The following SOX5 variants were observed in gnomAD, a reference collection of about 807,000 sequenced individuals.
SOX5 encodes the protein SRY-box transcription factor 5, also known as transcription factor SOX-5.
A neutral mutation model predicts 92.0 loss-of-function variants in SOX5; 9 were observed. The ratio of observed to expected loss-of-function variants is 0.10; its 90% confidence interval spans 0.06 to 0.17. SOX5 has a LOEUF of 0.17. SOX5 is among the 10% of genes least tolerant of loss of function. The pLI is 1.00. For synonymous variants in SOX5, 344 were observed against 336.3 expected (o/e 1.02, Z -0.25); for missense variants, 642 against 944.5 (o/e 0.68, Z 4.20).
intron 3 of SOX5, among the ~76,000 whole-genome samples, chr12:23,799,013 T>A (rs752403059): frequency 7.2e-5 from 11 of 151,956 alleles, no homozygotes; most frequent in Admixed American, 3.9e-4. Flanking sequence ...CGTACTATAA[T>A]TGGAAGACTT....
At chr12:23,950,945 C>G, upstream of SOX5, 1 of 1,370,734 alleles carries the variant, frequency 7.3e-7, no homozygotes, top group Non-Finnish European at 1.0e-6. Flanking sequence ...CACTTACCAA[C>G]AGGAGATAGT....
chr12:24,457,721 C>T (rs1312783455), intron 1 of SOX5, among the ~76,000 whole-genome samples: 2 of 152,132 alleles, frequency 1.3e-5, no homozygotes, highest in Admixed American at 1.3e-4. Flanking sequence ...TTAATGCAAA[C>T]TGATTATTGC....
intron 4 of SOX5, among the ~76,000 whole-genome samples, chr12:24,075,277 T>TAA (rs59967372): frequency 0.012 from 899 of 75,762 alleles, 50 homozygotes; most frequent in South Asian, 0.019. Context: ...CTCAAATTAT[T>TAA]AAAAAAAAAA....
At chr12:24,336,991 A>G (rs1353368043) in intron 2 of SOX5, among the ~76,000 whole-genome samples, 2 of 152,214 alleles carry the variant, frequency 1.3e-5, no homozygotes, top group Non-Finnish European at 2.9e-5. Context: ...TTTGTGCAGT[A>G]GAAGTTTAAG....
intron 11 of SOX5, 133 bp downstream of exon 11, chr12:23,563,125 A>G: frequency 5.6e-6 from 4 of 714,608 alleles, no homozygotes; most frequent in Non-Finnish European, 2.3e-6. Context: ...GAGGCCTTCT[A>G]TATTAATGGA....
intron 4 of SOX5, among the ~76,000 whole-genome samples, chr12:24,037,949 A>G (rs1378187953): frequency 6.6e-6 from 1 of 152,206 alleles, no homozygotes; most frequent in African/African-American, 2.4e-5. Context: ...ACTTGAACGC[A>G]TTAAAAAATC....
intron 4 of SOX5, among the ~76,000 whole-genome samples, chr12:24,038,497 G>T (rs1956250392): frequency 6.6e-6 from 1 of 152,096 alleles, no homozygotes; most frequent in African/African-American, 2.4e-5. Flanking sequence ...GCTTTGTGAA[G>T]CAAATTAATT....
At chr12:24,201,039 A>G (rs1332550770) in intron 4 of SOX5, among the ~76,000 whole-genome samples, 1 of 152,060 alleles carries the variant, frequency 6.6e-6, no homozygotes, top group Non-Finnish European at 1.5e-5. Flanking sequence ...TATACACCCA[A>G]CAATTCATAA....
At chr12:24,254,857 G>A (rs1480850502) in intron 3 of SOX5, among the ~76,000 whole-genome samples, 1 of 151,842 alleles carries the variant, frequency 6.6e-6, no homozygotes, top group African/African-American at 2.4e-5. Flanking sequence ...TTAAGAACTT[G>A]GATTACTGTC....
intron 1 of SOX5, among the ~76,000 whole-genome samples, chr12:24,399,359 T>G (rs2136610460): frequency 6.6e-6 from 1 of 152,318 alleles, no homozygotes; most frequent in Non-Finnish European, 1.5e-5. Flanking sequence ...AACCAATACA[T>G]ATCAGATATT....
At chr12:24,474,978 G>A (rs1263214621) in intron 1 of SOX5, among the ~76,000 whole-genome samples, 3 of 152,060 alleles carry the variant, frequency 2.0e-5, no homozygotes, top group African/African-American at 7.2e-5. Flanking sequence ...AGCCTCCTGA[G>A]TAGCTGGGAT....
In SOX5 at chr12:23,617,135, A is replaced by T. The variant is rs965737274; in HGVS notation, c.1018-12602T>A. Among the ~76,000 whole-genome samples the T allele has an allele frequency of 1.5e-4, 22 of 151,128 alleles. 1 individual carries two copies. Among genetic ancestry groups the T allele is most frequent in the African/African-American group, 3.2e-4 (13 of 41,108 alleles). On this transcript the variant is annotated intron_variant, in intron 8 of 14. Transcript: ENST00000451604. ...AACAAGACTCTGTCTCAAGAAAAAA[A>T]AAAAAAAAAAAAAGATAGATGGCAG...
chr12:24,404,976 A>G (rs1269657991), intron 1 of SOX5, among the ~76,000 whole-genome samples: 1 of 152,156 alleles, frequency 6.6e-6, no homozygotes, highest in Non-Finnish European at 1.5e-5. Flanking sequence ...AAAATAATAT[A>G]AAGAGCTACA....
chr12:23,574,562 C>T (rs1330572303), intron 10 of SOX5, among the ~76,000 whole-genome samples: 1 of 152,116 alleles, frequency 6.6e-6, no homozygotes, highest in Non-Finnish European at 1.5e-5. Flanking sequence ...TTAATCCATT[C>T]TCTCCTTTAT....
intron 2 of SOX5, among the ~76,000 whole-genome samples, chr12:24,332,129 C>A (rs893753690): frequency 6.6e-6 from 1 of 151,864 alleles, no homozygotes; most frequent in African/African-American, 2.4e-5. Context: ...AAAGATAAAT[C>A]TTATGAATGA....
At chr12:24,256,806 A>G (rs190498609) in intron 3 of SOX5, among the ~76,000 whole-genome samples, 70 of 152,334 alleles carry the variant, frequency 4.6e-4, no homozygotes, top group African/African-American at 1.6e-3. Context: ...ACTGCCATGT[A>G]CAGTTACCCC....
intron 1 of SOX5, among the ~76,000 whole-genome samples, chr12:24,406,296 A>G (rs1962933436): frequency 1.3e-5 from 2 of 152,112 alleles, no homozygotes; most frequent in Admixed American, 1.3e-4. Context: ...GCTGAAGGAG[A>G]AGCCCTGCCC....
chr12:24,492,682 T>A (rs1374929465), intron 1 of SOX5, among the ~76,000 whole-genome samples: 1 of 152,186 alleles, frequency 6.6e-6, no homozygotes, highest in African/African-American at 2.4e-5. Flanking sequence ...TTACCATGCC[T>A]GAATTACTTC....
rs57461232 is a variant in SOX5, at chr12:24,335,972, C to CATATATATAT, written c.-174+32581_-174+32590dup. Among the ~76,000 whole-genome samples the CATATATATAT allele has an allele frequency of 9.6e-3, 564 of 58,596 alleles. 60 individuals are homozygous for CATATATATAT. The highest frequency in any genetic ancestry group is 0.039 in the Middle Eastern group (3 of 76). 38.4% of individuals were successfully genotyped at this position (58,596 alleles called of 152,430 possible). On this transcript the variant is annotated intron_variant, in intron 2 of 4. Coordinates refer to the SOX5 transcript ENST00000446891. ...CCTGGGTCCAGGCTAGAAATGCTAT[C>CATATATATAT]ATATATATATATATATCCATAATAT...
Sources: allele counts gnomAD v4.1 joint callset (sites outside exome capture counted in the v4.1 genomes callset), GRCh38; gene constraint gnomAD v4.1.1; transcripts MANE v1.5; gene names NCBI Gene and HGNC (gene_info 2026-07-23, HGNC 2026-07-21).